The following RALGAPA2 variants were observed in gnomAD, a reference collection of about 807,000 sequenced individuals.
RALGAPA2 encodes ral GTPase-activating protein subunit alpha-2.
Under a neutral mutation model 230.4 loss-of-function variants are expected in RALGAPA2, and 139 were observed. That is an observed-to-expected ratio of 0.60 (90% CI 0.53 to 0.69). The LOEUF (loss-of-function observed/expected upper bound fraction) is 0.69. Ranked by LOEUF, RALGAPA2 falls within the 30% of genes least tolerant of loss-of-function variation. The probability of loss-of-function intolerance (pLI) is 0.00; values close to 1 mark genes in which losing one functional copy is unlikely to be tolerated. For synonymous variants in RALGAPA2, 847 were observed against 837.8 expected, an observed-to-expected ratio of 1.01 and a Z score of -0.19; for missense variants, 2,163 against 2,276.0, an observed-to-expected ratio of 0.95 and a Z score of 1.01.
At chr20:20,542,844 G>A (rs928170947) in intron 24 of RALGAPA2, among the ~76,000 whole-genome samples, 4 of 152,070 alleles carry the variant, frequency 2.6e-5, no homozygotes, top group Non-Finnish European at 5.9e-5. Context: ...CAGGACATAG[G>A]CATGGGCAAA....
intron 9 of RALGAPA2, 70 bp downstream of exon 9, chr20:20,635,347 TA>T: frequency 7.0e-7 from 1 of 1,438,196 alleles, no homozygotes; most frequent in African/African-American, 1.4e-5. Context: ...TAACAATCAA[TA>T]ACTTTGGCTA....
chr20:20,505,888 C>T (rs1252032103), intron 33 of RALGAPA2, among the ~76,000 whole-genome samples: 2 of 152,108 alleles, frequency 1.3e-5, no homozygotes, highest in African/African-American at 4.8e-5. Flanking sequence ...CTGGGGCACA[C>T]CATTTGGTAA....
intron 24 of RALGAPA2, among the ~76,000 whole-genome samples, chr20:20,538,463 G>A (rs1451192950): frequency 3.3e-5 from 5 of 152,160 alleles, no homozygotes; most frequent in African/African-American, 1.2e-4. Context: ...AGGGCCACAG[G>A]GACTGTGAAA....
intron 20 of RALGAPA2, among the ~76,000 whole-genome samples, chr20:20,577,593 T>C (rs1002036986): frequency 6.6e-6 from 1 of 152,186 alleles, no homozygotes; most frequent in Non-Finnish European, 1.5e-5. Flanking sequence ...CTCTGACTTT[T>C]ATAAAACCTC....
At chr20:20,633,773 C>T (rs2066766201) in intron 9 of RALGAPA2, among the ~76,000 whole-genome samples, 1 of 152,216 alleles carries the variant, frequency 6.6e-6, no homozygotes, top group Non-Finnish European at 1.5e-5. Flanking sequence ...CCACCGTGCC[C>T]AGCCTACATT....
At chr20:20,508,200 C>T (rs1448448443) in intron 33 of RALGAPA2, among the ~76,000 whole-genome samples, 1 of 152,154 alleles carries the variant, frequency 6.6e-6, no homozygotes, top group Admixed American at 6.5e-5. Flanking sequence ...AATGTTAGTA[C>T]CACAGAGAGC....
At chr20:20,643,484 C>A in intron 5 of RALGAPA2, 22 bp downstream of exon 5, 4 of 1,461,770 alleles carry the variant, frequency 2.7e-6, no homozygotes, top group South Asian at 2.6e-5. Flanking sequence ...TAAAAAATGT[C>A]ATTACACAAT....
intron 14 of RALGAPA2, among the ~76,000 whole-genome samples, chr20:20,610,089 G>A (rs2065933967): frequency 6.6e-6 from 1 of 151,820 alleles, no homozygotes; most frequent in Non-Finnish European, 1.5e-5. Context: ...TTACCTACAT[G>A]TCCTACCCAT....
intron 23 of RALGAPA2, among the ~76,000 whole-genome samples, chr20:20,564,753 A>G (rs2064360491): frequency 6.6e-6 from 1 of 152,226 alleles, no homozygotes; most frequent in Non-Finnish European, 1.5e-5. Flanking sequence ...AAGGTATTTT[A>G]GTTCCCAGTA....
chr20:20,584,206 G>A lies in RALGAPA2; in HGVS notation c.2530+659C>T, dbSNP rs1316813266. Reference sequence around the variant, plus strand: ...TGTATTTTACAATATATGATAATACGTCTCAGGATTCCAATCTCATTCCAT... The same window carrying A: ...TGTATTTTACAATATATGATAATACATCTCAGGATTCCAATCTCATTCCAT... On this transcript the variant is annotated intron_variant, in intron 19 of 39. Transcript: ENST00000202677. Among the ~76,000 whole-genome samples the A allele has an allele frequency of 2.6e-5, 4 of 152,234 alleles. 1 individual carries two copies. Among genetic ancestry groups the A allele is most frequent in the South Asian group, 4.1e-4 (2 of 4,822 alleles).
At chr20:20,402,268 T>C (rs6106244) in intron 38 of RALGAPA2, among the ~76,000 whole-genome samples, 69,696 of 152,158 alleles carry the variant, frequency 0.46, 18,568 homozygotes, top group South Asian at 0.6. Flanking sequence ...AATCTCTACA[T>C]GTACATAAAG....
chr20:20,558,807 T>TAAA (rs35519955), intron 23 of RALGAPA2, among the ~76,000 whole-genome samples: 2 of 91,190 alleles, frequency 2.2e-5, no homozygotes, highest in African/African-American at 4.1e-5. Flanking sequence ...TCAACTCTGC[T>TAAA]AAAAAAAAAA....
At chr20:20,515,850 G>A (rs573464644) in intron 31 of RALGAPA2, among the ~76,000 whole-genome samples, 10 of 144,360 alleles carry the variant, frequency 6.9e-5, no homozygotes, top group Non-Finnish European at 1.2e-4. Flanking sequence ...GGAGTGGGGC[G>A]GGGGGGGCAG....
intron 7 of RALGAPA2, among the ~76,000 whole-genome samples, chr20:20,639,089 C>G (rs1490225189): frequency 6.6e-6 from 1 of 152,110 alleles, no homozygotes; most frequent in South Asian, 2.1e-4. Context: ...GGGCTTGCCA[C>G]TTTAGCAGTG....
At chr20:20,605,786 C>A (rs1029709052) in intron 14 of RALGAPA2, among the ~76,000 whole-genome samples, 1 of 152,136 alleles carries the variant, frequency 6.6e-6, no homozygotes, top group African/African-American at 2.4e-5. Context: ...GCCAGCCCAC[C>A]AAATCCTCCC....
At chr20:20,563,694 C>T (rs1245335817) in intron 23 of RALGAPA2, among the ~76,000 whole-genome samples, 2 of 152,106 alleles carry the variant, frequency 1.3e-5, no homozygotes, top group Non-Finnish European at 2.9e-5. Context: ...TTTCTCAATT[C>T]ATCTTCTTGC....
intron 37 of RALGAPA2, among the ~76,000 whole-genome samples, chr20:20,462,441 G>A (rs1434637991): frequency 6.6e-6 from 1 of 152,182 alleles, no homozygotes; most frequent in East Asian, 1.9e-4. Flanking sequence ...AAGGGAGTGG[G>A]CACCAGCACA....
intron 36 of RALGAPA2, among the ~76,000 whole-genome samples, chr20:20,484,982 C>CG (rs1288395631): frequency 6.6e-6 from 1 of 151,880 alleles, no homozygotes; most frequent in Non-Finnish European, 1.5e-5. Flanking sequence ...GGGCCACATG[C>CG]GGCCCTGGAT....
intron 1 of RALGAPA2, among the ~76,000 whole-genome samples, chr20:20,707,012 AC>A (rs1568781982): frequency 6.6e-6 from 1 of 151,906 alleles, no homozygotes; most frequent in Non-Finnish European, 1.5e-5. Context: ...ATGTCCCACA[AC>A]CCCCCAGACA....
Sources: allele counts gnomAD v4.1 joint callset (sites outside exome capture counted in the v4.1 genomes callset), GRCh38; gene constraint gnomAD v4.1.1; transcripts MANE v1.5; gene names NCBI Gene and HGNC (gene_info 2026-07-23, HGNC 2026-07-21).